The following PHF20 variants were observed in gnomAD, a reference collection of about 807,000 sequenced individuals.
PHF20 encodes PHD finger protein 20, also known as glioma-expressed antigen 2.
A neutral mutation model predicts 113.5 loss-of-function variants in PHF20; 23 were observed. The observed-to-expected ratio is 0.20, with a 90% CI of 0.15 to 0.29. The LOEUF (loss-of-function observed/expected upper bound fraction) is 0.29, where lower values mean the gene tolerates loss of function less well. Among genes scored for constraint, PHF20 ranks in the 10% least tolerant of loss-of-function variants. The pLI is 1.00. For missense variants in PHF20, 943 were observed against 1,219.6 expected (o/e 0.77, Z 3.38); for synonymous variants, 434 against 457.3 (o/e 0.95, Z 0.65).
intron 4 of PHF20, chr20:35,855,150 C>T (rs908767967): frequency 1.8e-5 from 8 of 446,218 alleles, no homozygotes; most frequent in Non-Finnish European, 2.7e-5. Context: ...CCCCCATCTC[C>T]GTCCCCAGAC....
chr20:35,860,291 A>G (rs895776184), intron 5 of PHF20, among the ~76,000 whole-genome samples: 1 of 142,206 alleles, frequency 7.0e-6, no homozygotes, highest in Non-Finnish European at 1.5e-5. Flanking sequence ...CCTAGGCTGG[A>G]GTACAGTGAT....
intron 17 of PHF20, 131 bp from the exon 18 acceptor site, chr20:35,947,349 TGCCCC>T: frequency 1.3e-6 from 1 of 774,182 alleles, no homozygotes; most frequent in South Asian, 2.3e-5. Context: ...CTTCCTCCCT[TGCCCC>T]ATGGAGGCTG....
Position 35,917,587 on chromosome 20 carries a change from T to G in PHF20, c.1929T>G (p.Asp643Glu). 2 of 1,614,074 alleles carry G rather than the reference T, an allele frequency of 1.2e-6. No individual in the cohort carries two copies. Among genetic ancestry groups the G allele is most frequent in the East Asian group, 4.5e-5 (2 of 44,886 alleles). The change falls in exon 13 of 18, where the codon GAT becomes GAG. Residue 643 changes from aspartate to glutamate, a missense_variant. By Grantham distance (45) the Asp-to-Glu change is conservative (BLOSUM62 2). Coordinates refer to ENST00000374012, the MANE Select transcript of PHF20 (RefSeq NM_016436.5). ...DVTTNPDEEL[D>E]GDDRYDFEVV... ...CCACCAACCCAGATGAGGAACTTGA[T>G]GGGGATGACCGCTATGACTTCGAGG...
intron 9 of PHF20, among the ~76,000 whole-genome samples, chr20:35,884,437 A>G (rs1457226906): frequency 2.6e-5 from 4 of 152,158 alleles, no homozygotes; most frequent in Non-Finnish European, 5.9e-5. Flanking sequence ...CAGCTCTGCC[A>G]CCTTGTGGAA....
At chr20:35,886,369 G>A (rs1316246968) in intron 9 of PHF20, among the ~76,000 whole-genome samples, 3 of 151,706 alleles carry the variant, frequency 2.0e-5, no homozygotes, top group South Asian at 4.2e-4. Flanking sequence ...CAAGTGATCC[G>A]CCTGCCTCAC....
At chr20:35,933,635 G>A (rs141760349) in intron 15 of PHF20, among the ~76,000 whole-genome samples, 3,611 of 152,098 alleles carry the variant, frequency 0.024, 69 homozygotes, top group Middle Eastern at 0.058. Flanking sequence ...CTGACCTTGC[G>A]ATCCACCTGC....
intron 12 of PHF20, among the ~76,000 whole-genome samples, 195 bp downstream of exon 12, chr20:35,914,392 C>CAT (rs2055362842): frequency 6.6e-6 from 1 of 152,134 alleles, no homozygotes; most frequent in Admixed American, 6.5e-5. Context: ...TGTTCAGTAG[C>CAT]ATATGTCTAA....
chr20:35,940,758 T>A, intron 16 of PHF20, 106 bp from the exon 17 acceptor site: 1 of 909,212 alleles, frequency 1.1e-6, no homozygotes, highest in Non-Finnish European at 1.7e-6. Context: ...GGATTTGGAG[T>A]ATTGAAACTG....
chr20:35,779,350 A>G (rs1187196036), intron 1 of PHF20, among the ~76,000 whole-genome samples: 1 of 151,762 alleles, frequency 6.6e-6, no homozygotes, highest in African/African-American at 2.4e-5. Flanking sequence ...CAAGGTTTTT[A>G]TTCAGTGATA....
chr20:35,915,054 A>G lies in PHF20; in HGVS notation c.1825+857A>G, dbSNP rs573734978. 5.3e-3 allele frequency among the ~76,000 whole-genome samples: 785 copies of G among 148,224 alleles called. 4 individuals carry two copies. Among genetic ancestry groups the G allele is most frequent in the African/African-American group, 0.019 (761 of 40,694 alleles). The stretch of plus-strand genomic sequence containing the variant: ...TAAAAAAAAAGGTAAAATGTTTTAT[A>G]TATATATATATAGATATACACACAC... On this transcript the variant is annotated intron_variant, in intron 12 of 17. Coordinates refer to ENST00000374012, the MANE Select transcript of PHF20 (RefSeq NM_016436.5).
intron 1 of PHF20, among the ~76,000 whole-genome samples, chr20:35,798,753 CT>C (rs112228821): frequency 9.2e-4 from 136 of 147,148 alleles, no homozygotes; most frequent in African/African-American, 2.8e-3. Context: ...CATGCCTGGC[CT>C]TTTTTTTTTG....
At chr20:35,861,522 T>C (rs1408395818) in intron 5 of PHF20, among the ~76,000 whole-genome samples, 1 of 152,254 alleles carries the variant, frequency 6.6e-6, no homozygotes, top group East Asian at 1.9e-4. Context: ...TGTAGTATTC[T>C]GTAATATGTA....
In PHF20 at chr20:35,939,248, C is replaced by T. The variant is rs933089174; in HGVS notation, c.2712+140C>T. On this transcript the variant is annotated intron_variant, in intron 16 of 17. Coordinates refer to ENST00000374012, the MANE Select transcript of PHF20 (RefSeq NM_016436.5). ...CTTACCATAGATATGTTTTGGTTTG[C>T]CAAAATGGGTGCAAAGTCAGGAGAG... The T allele has an allele frequency of 3.9e-6, 4 of 1,023,826 alleles. No homozygotes were observed. In the African/African-American group the frequency reaches 4.9e-5, roughly 13 times the overall value. The allele number at this position is 1,023,826 out of a possible 1,614,324, so 63.4% of individuals were successfully genotyped here.
At chr20:35,858,634 G>A (rs1259676512) in intron 5 of PHF20, among the ~76,000 whole-genome samples, 4 of 152,316 alleles carry the variant, frequency 2.6e-5, no homozygotes, top group South Asian at 4.1e-4. Context: ...ACAATGGTGC[G>A]ATCTTGGCTC....
chr20:35,830,818 C>T (rs989276597), intron 2 of PHF20, among the ~76,000 whole-genome samples: 1 of 151,536 alleles, frequency 6.6e-6, no homozygotes, highest in African/African-American at 2.4e-5. Context: ...GTTTGCTGCA[C>T]AGATCATCCC....
chr20:35,848,051 C>T (rs1339371923), intron 4 of PHF20, among the ~76,000 whole-genome samples: 3 of 152,038 alleles, frequency 2.0e-5, no homozygotes, highest in Non-Finnish European at 2.9e-5. Flanking sequence ...GAGTCTGGGT[C>T]CCAGTGATAC....
chr20:35,791,537 G>GTC (rs372219422), intron 1 of PHF20, among the ~76,000 whole-genome samples: 6 of 127,208 alleles, frequency 4.7e-5, no homozygotes, highest in Non-Finnish European at 1.0e-4. Flanking sequence ...TTAGAATAGT[G>GTC]TATATATATA....
At chr20:35,883,256 ATTG>A (rs2147018731) in intron 9 of PHF20, among the ~76,000 whole-genome samples, 1 of 152,212 alleles carries the variant, frequency 6.6e-6, no homozygotes, top group South Asian at 2.1e-4. Flanking sequence ...AATTTATTTC[ATTG>A]TATGGATGTT....
At chr20:35,784,026 G>A (rs2041356632) in intron 1 of PHF20, among the ~76,000 whole-genome samples, 1 of 151,454 alleles carries the variant, frequency 6.6e-6, no homozygotes, top group African/African-American at 2.4e-5. Flanking sequence ...ATAGGCATGA[G>A]CCACTGTCCC....
Sources: gnomAD v4.1 joint callset for allele counts (sites outside exome capture counted in the v4.1 genomes callset) on GRCh38, gnomAD v4.1.1 for gene constraint, MANE v1.5 for transcripts, NCBI Gene and HGNC (gene_info 2026-07-23, HGNC 2026-07-21) for gene names.